ERBB4: variants seen among roughly 807,000 people sequenced by gnomAD.
ERBB4 encodes the protein receptor tyrosine-protein kinase erbB-4.
A neutral mutation model predicts 158.0 loss-of-function variants in ERBB4; 42 were observed. The ratio of observed to expected loss-of-function variants is 0.27; its 90% confidence interval spans 0.21 to 0.34. The LOEUF (loss-of-function observed/expected upper bound fraction) is 0.34, where lower values mean the gene tolerates loss of function less well. Among genes scored for constraint, ERBB4 ranks in the 10% least tolerant of loss-of-function variants. The pLI is 1.00. For missense variants in ERBB4, 1,333 were observed against 1,624.1 expected (o/e 0.82, Z 3.08); for synonymous variants, 583 against 558.7 (o/e 1.04, Z -0.61).
intron 1 of ERBB4, among the ~76,000 whole-genome samples, chr2:212,409,908 T>C (rs1335728720): frequency 3.3e-5 from 5 of 152,098 alleles, no homozygotes; most frequent in East Asian, 1.9e-4. Context: ...TCAGGCTAAA[T>C]AGTGAAGCAC....
chr2:212,008,008 G>A (rs2076295934), intron 2 of ERBB4, among the ~76,000 whole-genome samples: 1 of 152,102 alleles, frequency 6.6e-6, no homozygotes, highest in Non-Finnish European at 1.5e-5. Flanking sequence ...TGAATGAACA[G>A]ATGCATGAAT....
intron 25 of ERBB4, among the ~76,000 whole-genome samples, chr2:211,416,588 C>G (rs542853752): frequency 6.6e-6 from 1 of 152,178 alleles, no homozygotes; most frequent in African/African-American, 2.4e-5. Context: ...AGATTGCTAT[C>G]TCTAGTAACA....
intron 1 of ERBB4, among the ~76,000 whole-genome samples, chr2:212,476,690 G>A (rs1225647368): frequency 4.6e-5 from 7 of 152,074 alleles, no homozygotes; most frequent in Non-Finnish European, 1.0e-4. Flanking sequence ...ACTTTATGAA[G>A]AGTAAATACT....
chr2:211,951,327 G>T (rs937697416), intron 2 of ERBB4, among the ~76,000 whole-genome samples: 1 of 152,072 alleles, frequency 6.6e-6, no homozygotes, highest in Admixed American at 6.6e-5. Flanking sequence ...TAATTTTTCA[G>T]TGTCACTTGG....
intron 12 of ERBB4, among the ~76,000 whole-genome samples, chr2:211,688,649 C>T (rs1288549923): frequency 2.0e-5 from 3 of 152,118 alleles, no homozygotes. Flanking sequence ...TTTAACAATG[C>T]AAAGTGGGAT....
intron 20 of ERBB4, among the ~76,000 whole-genome samples, chr2:211,433,640 C>G (rs1261019186): frequency 6.6e-6 from 1 of 152,052 alleles, no homozygotes; most frequent in Non-Finnish European, 1.5e-5. Flanking sequence ...CTTGAAAACA[C>G]CACTCTGGTG....
At chr2:211,736,985 G>A (rs2074621691) in intron 5 of ERBB4, among the ~76,000 whole-genome samples, 1 of 152,126 alleles carries the variant, frequency 6.6e-6, no homozygotes, top group Admixed American at 6.5e-5. Flanking sequence ...TACCAAAAAA[G>A]TCATGTCGCG....
intron 1 of ERBB4, among the ~76,000 whole-genome samples, chr2:212,313,339 A>G (rs1322149915): frequency 6.6e-6 from 1 of 150,982 alleles, no homozygotes; most frequent in Non-Finnish European, 1.5e-5. Context: ...TGAAAAATTA[A>G]TAAATTTATT....
In ERBB4 at chr2:212,496,952, G is replaced by T. The variant is rs1047290951; in HGVS notation, c.82+41497C>A. On this transcript the variant is annotated intron_variant, in intron 1 of 27. Transcript: ENST00000342788. ...CCCAGCACTTTGGGAGGCCGATGGG[G>T]GTGGATCACCTGAGGTCAAGAGTTT... is the stretch of plus-strand genomic sequence containing the variant. Among the ~76,000 whole-genome samples the T allele has an allele frequency of 2.2e-4, 33 of 151,944 alleles. 1 individual carries two copies. Among genetic ancestry groups the T allele is most frequent in the Non-Finnish European group, 7.4e-5 (5 of 67,974 alleles).
chr2:212,192,063 T>A (rs1317817771), intron 1 of ERBB4, among the ~76,000 whole-genome samples: 9 of 109,900 alleles, frequency 8.2e-5, no homozygotes, highest in African/African-American at 2.9e-4. Flanking sequence ...ATGTTATATA[T>A]GTTATATGTT....
intron 1 of ERBB4, among the ~76,000 whole-genome samples, chr2:212,537,781 A>C (rs919630535): frequency 6.8e-5 from 10 of 147,776 alleles, no homozygotes; most frequent in Admixed American, 6.7e-4. Flanking sequence ...CAGGCAGGCG[A>C]GTAAGCGCCC....
At chr2:212,371,679 T>A (rs1390217820) in intron 1 of ERBB4, among the ~76,000 whole-genome samples, 1 of 152,192 alleles carries the variant, frequency 6.6e-6, no homozygotes, top group African/African-American at 2.4e-5. Flanking sequence ...ATACATCATC[T>A]CTTTTGTTCC....
At chr2:211,405,400 A>G (rs1045309544) in intron 25 of ERBB4, among the ~76,000 whole-genome samples, 3 of 152,136 alleles carry the variant, frequency 2.0e-5, no homozygotes, top group Non-Finnish European at 4.4e-5. Flanking sequence ...ATCATGCCAA[A>G]TGTACTTCTT....
intron 25 of ERBB4, among the ~76,000 whole-genome samples, chr2:211,418,574 A>C (rs2063444570): frequency 6.6e-6 from 1 of 152,154 alleles, no homozygotes; most frequent in Admixed American, 6.5e-5. Context: ...CTTTATTAAG[A>C]ATTTCTTGCA....
chr2:212,434,616 G>A (rs567836214), intron 1 of ERBB4, among the ~76,000 whole-genome samples: 10 of 151,904 alleles, frequency 6.6e-5, no homozygotes, highest in East Asian at 5.8e-4. Flanking sequence ...AGAGAGACAC[G>A]TTCATCTTAG....
chr2:212,233,292 T>C (rs2083731974), intron 1 of ERBB4, among the ~76,000 whole-genome samples: 1 of 152,138 alleles, frequency 6.6e-6, no homozygotes, highest in Non-Finnish European at 1.5e-5. Context: ...ACCCCACTCA[T>C]TTAGGAGACC....
At chr2:211,997,513 T>A (rs527647867) in intron 2 of ERBB4, among the ~76,000 whole-genome samples, 4 of 152,234 alleles carry the variant, frequency 2.6e-5, no homozygotes, top group African/African-American at 9.6e-5. Flanking sequence ...TATCAAATAA[T>A]CATTGAAAGA....
At chr2:212,454,507 C>G (rs1338439810) in intron 1 of ERBB4, among the ~76,000 whole-genome samples, 1 of 152,040 alleles carries the variant, frequency 6.6e-6, no homozygotes, top group Non-Finnish European at 1.5e-5. Flanking sequence ...GTTAGAATCT[C>G]TATAATAATA....
chr2:212,292,074 T>A (rs1489016517), intron 1 of ERBB4, among the ~76,000 whole-genome samples: 2 of 151,708 alleles, frequency 1.3e-5, no homozygotes, highest in Non-Finnish European at 2.9e-5. Context: ...AAAAGCTAGT[T>A]TTGCTTTTTT....
Sources: allele counts gnomAD v4.1 joint callset (sites outside exome capture counted in the v4.1 genomes callset), GRCh38; gene constraint gnomAD v4.1.1; transcripts MANE v1.5; gene names NCBI Gene and HGNC (gene_info 2026-07-23, HGNC 2026-07-21).